The following BTRC variants were observed in gnomAD, a reference collection of about 807,000 sequenced individuals.
The protein encoded by BTRC is F-box/WD repeat-containing protein 1A.
A neutral mutation model predicts 85.5 loss-of-function variants in BTRC; 42 were observed. That is an observed-to-expected ratio of 0.49 (90% CI 0.38 to 0.64). The LOEUF (loss-of-function observed/expected upper bound fraction) is 0.64, where lower values mean the gene tolerates loss of function less well. BTRC is among the 30% of genes least tolerant of loss of function. The pLI is 0.00. For missense variants in BTRC, 594 were observed against 743.5 expected, an observed-to-expected ratio of 0.80 and a Z score of 2.34; for synonymous variants, 255 against 263.3, an observed-to-expected ratio of 0.97 and a Z score of 0.30.
chr10:101,532,818 A>G, intron 8 of BTRC, 134 bp from the exon 9 acceptor site: 2 of 713,742 alleles, frequency 2.8e-6, no homozygotes, highest in Non-Finnish European at 4.8e-6. Flanking sequence ...GCGCTTAGCT[A>G]TACCTATAGA....
chr10:101,393,526 T>C (rs1943289387), intron 1 of BTRC, among the ~76,000 whole-genome samples: 1 of 152,198 alleles, frequency 6.6e-6, no homozygotes, highest in Admixed American at 6.5e-5. Flanking sequence ...TGCTAGGACA[T>C]ACAGGGACAC....
At chr10:101,373,108 T>A (rs1202092556) in intron 1 of BTRC, among the ~76,000 whole-genome samples, 1 of 152,222 alleles carries the variant, frequency 6.6e-6, no homozygotes, top group African/African-American at 2.4e-5. Context: ...ATTTAAAAAA[T>A]TTAATCCTCT....
At chr10:101,415,368 G>A (rs1943903658) in intron 1 of BTRC, among the ~76,000 whole-genome samples, 1 of 151,198 alleles carries the variant, frequency 6.6e-6, no homozygotes. Context: ...TAGAGATGGG[G>A]TTTCACCATG....
chr10:101,354,368 T>C, intron 1 of BTRC, 140 bp downstream of exon 1: 1 of 964,672 alleles, frequency 1.0e-6, no homozygotes, highest in Non-Finnish European at 1.5e-6. Context: ...AGGGATGGGA[T>C]GGGAGCTCCA....
At chr10:101,540,911 G>A (rs1435724980) in intron 13 of BTRC, among the ~76,000 whole-genome samples, 3 of 152,124 alleles carry the variant, frequency 2.0e-5, no homozygotes, top group Non-Finnish European at 4.4e-5. Context: ...TCTCAGCCAC[G>A]TTGTAGCTTT....
At chr10:101,494,420 A>G (rs1373155904) in intron 4 of BTRC, among the ~76,000 whole-genome samples, 1 of 152,232 alleles carries the variant, frequency 6.6e-6, no homozygotes, top group Non-Finnish European at 1.5e-5. Flanking sequence ...CTTTATAGAC[A>G]TACTTTTTGA....
intron 1 of BTRC, among the ~76,000 whole-genome samples, chr10:101,379,741 C>T (rs1942882621): frequency 6.6e-6 from 1 of 151,876 alleles, no homozygotes; most frequent in Non-Finnish European, 1.5e-5. Flanking sequence ...CGTTTTATTT[C>T]CAGGAATCCA....
intron 4 of BTRC, among the ~76,000 whole-genome samples, chr10:101,520,493 G>T (rs1221499858): frequency 1.3e-5 from 2 of 152,114 alleles, no homozygotes; most frequent in African/African-American, 4.8e-5. Flanking sequence ...CTTATTGAAT[G>T]AATCAATTAA....
chr10:101,387,527 A>ATTTTTTTTTTTTTT (rs1564741908), intron 1 of BTRC, among the ~76,000 whole-genome samples: 1 of 17,006 alleles, frequency 5.9e-5, no homozygotes, highest in African/African-American at 4.9e-4. Context: ...CCTTCATGGG[A>ATTTTTTTTTTTTTT]CTTTTTTTTT....
chr10:101,498,010 C>G (rs1198391772), intron 4 of BTRC, among the ~76,000 whole-genome samples: 1 of 152,074 alleles, frequency 6.6e-6, no homozygotes, highest in Admixed American at 6.5e-5. Flanking sequence ...CAGAGCGAGA[C>G]TCCGTCTCTT....
intron 4 of BTRC, among the ~76,000 whole-genome samples, chr10:101,481,243 C>T (rs1945826390): frequency 6.6e-6 from 1 of 152,170 alleles, no homozygotes; most frequent in African/African-American, 2.4e-5. Flanking sequence ...TGCACCCAGC[C>T]CAAGTCTACT....
chr10:101,456,019 A>ACACACACACACACACACACACACAC (rs1564784013), intron 2 of BTRC, among the ~76,000 whole-genome samples: 4 of 6,776 alleles, frequency 5.9e-4, no homozygotes, highest in East Asian at 4.1e-3. Context: ...CACACACACA[A>ACACACACACACACACACACACACAC]AATTAGCTGG....
chr10:101,361,262 A>G (rs1942197539), intron 1 of BTRC, among the ~76,000 whole-genome samples: 4 of 151,880 alleles, frequency 2.6e-5, no homozygotes, highest in Non-Finnish European at 5.9e-5. Flanking sequence ...ACGTGTCACC[A>G]CACCTGGCTA....
chr10:101,408,667 G>A (rs1943694265), intron 1 of BTRC, among the ~76,000 whole-genome samples: 1 of 152,114 alleles, frequency 6.6e-6, no homozygotes, highest in Admixed American at 6.6e-5. Flanking sequence ...TACTATTTAA[G>A]TATTCCATTT....
At chr10:101,486,047 G>A (rs1395609198) in intron 4 of BTRC, among the ~76,000 whole-genome samples, 8 of 152,202 alleles carry the variant, frequency 5.3e-5, no homozygotes, top group African/African-American at 1.9e-4. Context: ...TAGGGCCAAG[G>A]AACAAGGCTG....
intron 4 of BTRC, among the ~76,000 whole-genome samples, chr10:101,519,925 G>A (rs1480045196): frequency 1.3e-5 from 2 of 152,040 alleles, no homozygotes; most frequent in South Asian, 4.1e-4. Flanking sequence ...AACCCGGGAG[G>A]CAGAGGTTGC....
At chr10:101,360,994 TG>T (rs1942189327) in intron 1 of BTRC, among the ~76,000 whole-genome samples, 1 of 151,494 alleles carries the variant, frequency 6.6e-6, no homozygotes, top group Admixed American at 6.6e-5. Flanking sequence ...TTTGTAGAGA[TG>T]GGGTCTTGCT....
At chr10:101,521,163 A>G (rs569369554) in intron 4 of BTRC, among the ~76,000 whole-genome samples, 1 of 151,562 alleles carries the variant, frequency 6.6e-6, no homozygotes, top group South Asian at 2.1e-4. Context: ...AGTCCCAGCT[A>G]CTCTGGAGGC....
chr10:101,369,939 C>T (rs918899835), intron 1 of BTRC, among the ~76,000 whole-genome samples: 1 of 152,110 alleles, frequency 6.6e-6, no homozygotes, highest in Admixed American at 6.6e-5. Flanking sequence ...ATATAGATGC[C>T]GTCCTTGACT....
Sources: gnomAD v4.1 joint callset for allele counts (sites outside exome capture counted in the v4.1 genomes callset) on GRCh38, gnomAD v4.1.1 for gene constraint, MANE v1.5 for transcripts, NCBI Gene and HGNC (gene_info 2026-07-23, HGNC 2026-07-21) for gene names.